CNBD1: variants seen among roughly 807,000 people sequenced by gnomAD.
The protein encoded by CNBD1 is cyclic nucleotide binding domain containing 1.
In CNBD1, 71 loss-of-function variants were observed where a neutral mutation model predicts 54.4. That is an observed-to-expected ratio of 1.30 (90% confidence interval 1.08 to 1.59). CNBD1 has a LOEUF of 1.59. Ranked by LOEUF, CNBD1 falls within the 40% of genes most tolerant of loss-of-function variation. The pLI is 0.00. For synonymous variants in CNBD1, 182 were observed against 170.7 expected (o/e 1.07, Z -0.51); for missense variants, 659 against 518.0 (o/e 1.27, Z -2.64).
rs188666673 is a variant in CNBD1 at position 87,034,866 on chromosome 8, A to G, written c.431+95112A>G. Among the ~76,000 whole-genome samples the G allele has an allele frequency of 2.4e-3, 369 of 152,290 alleles. 2 individuals carry two copies. The highest frequency in any genetic ancestry group is 8.5e-3 in the African/African-American group (353 of 41,564). On this transcript the variant is annotated intron_variant, in intron 4 of 10. Transcript: ENST00000518476. Reference sequence around the variant, plus strand: ...GTTCAAGGATCAACTATATACATATATATAGATTTGGATGCGACCTTGTAA... The same window carrying G: ...GTTCAAGGATCAACTATATACATATGTATAGATTTGGATGCGACCTTGTAA...
intron 10 of CNBD1, among the ~76,000 whole-genome samples, chr8:87,366,834 A>G (rs779304017): frequency 6.6e-6 from 1 of 152,106 alleles, no homozygotes; most frequent in Non-Finnish European, 1.5e-5. Context: ...CAAATAAGAA[A>G]GGAAGTGAAA....
intron 4 of CNBD1, among the ~76,000 whole-genome samples, chr8:87,038,273 G>A (rs1172064155): frequency 1.3e-5 from 2 of 152,108 alleles, no homozygotes; most frequent in Non-Finnish European, 2.9e-5. Flanking sequence ...ACCTCCTGAT[G>A]GCTTCTTCCT....
chr8:87,258,341 A>C (rs2130846291), intron 6 of CNBD1, among the ~76,000 whole-genome samples: 1 of 152,250 alleles, frequency 6.6e-6, no homozygotes, highest in East Asian at 1.9e-4. Context: ...TTAGATTTGC[A>C]AGCAGTCTGT....
chr8:87,347,940 G>A (rs1175279079), intron 8 of CNBD1, among the ~76,000 whole-genome samples: 1 of 152,016 alleles, frequency 6.6e-6, no homozygotes, highest in African/African-American at 2.4e-5. Context: ...TAAGTTCTTT[G>A]GAAGTCTCTG....
chr8:86,942,703 C>T (rs1287263494), intron 4 of CNBD1, among the ~76,000 whole-genome samples: 1 of 152,192 alleles, frequency 6.6e-6, no homozygotes, highest in Non-Finnish European at 1.5e-5. Flanking sequence ...TATATCCCAT[C>T]GGGTTTTGCA....
intron 5 of CNBD1, among the ~76,000 whole-genome samples, chr8:87,209,898 T>TC (rs1172769762): frequency 2.0e-5 from 3 of 152,064 alleles, no homozygotes; most frequent in Admixed American, 1.3e-4. Flanking sequence ...TCTTCCCAAA[T>TC]CCCCACGTGT....
At chr8:87,048,676 C>T (rs1442313985) in intron 4 of CNBD1, among the ~76,000 whole-genome samples, 1 of 152,040 alleles carries the variant, frequency 6.6e-6, no homozygotes, top group Non-Finnish European at 1.5e-5. Flanking sequence ...CATGGAAATG[C>T]CTCCACCCAG....
chr8:87,160,926 GAC>G (rs1201502563), intron 4 of CNBD1, among the ~76,000 whole-genome samples: 1 of 152,044 alleles, frequency 6.6e-6, no homozygotes, highest in Non-Finnish European at 1.5e-5. Context: ...TATTTTCTAT[GAC>G]ACAAACATCT....
At chr8:87,311,081 AAAAC>A (rs1809253821) in intron 8 of CNBD1, among the ~76,000 whole-genome samples, 1 of 152,032 alleles carries the variant, frequency 6.6e-6, no homozygotes, top group South Asian at 2.1e-4. Flanking sequence ...AATTGCAACA[AAAAC>A]AAAAATTGAC....
At chr8:87,427,677 GA>G (rs1808073163) in intron 2 of CNBD1, among the ~76,000 whole-genome samples, 1 of 152,124 alleles carries the variant, frequency 6.6e-6, no homozygotes, top group South Asian at 2.1e-4. Context: ...AGTAAAAAGT[GA>G]AGTAGTTAAA....
chr8:86,905,006 A>G, intron 2 of CNBD1, 75 bp from the exon 3 acceptor site: 5 of 763,060 alleles, frequency 6.6e-6, no homozygotes, highest in South Asian at 4.9e-5. Flanking sequence ...ATACGTATAT[A>G]TTGAGTTAAA....
chr8:87,377,336 T>C (rs1223533458), intron 10 of CNBD1, among the ~76,000 whole-genome samples: 2 of 138,630 alleles, frequency 1.4e-5, no homozygotes, highest in Non-Finnish European at 3.1e-5. Flanking sequence ...CAGAGTGCGA[T>C]ATTCCCCTTC....
chr8:87,360,644 CT>C (rs1344652840), intron 10 of CNBD1, among the ~76,000 whole-genome samples: 1 of 151,848 alleles, frequency 6.6e-6, no homozygotes, highest in Non-Finnish European at 1.5e-5. Context: ...AAGTGTACTA[CT>C]TTTGTAATGA....
chr8:87,416,614 C>T (rs930061520), intron 2 of CNBD1, among the ~76,000 whole-genome samples: 1 of 152,000 alleles, frequency 6.6e-6, no homozygotes, highest in Non-Finnish European at 1.5e-5. Context: ...TGGTCATTCT[C>T]TGGAAGATTC....
At chr8:87,206,538 T>C (rs1813980111) in intron 5 of CNBD1, among the ~76,000 whole-genome samples, 1 of 152,100 alleles carries the variant, frequency 6.6e-6, no homozygotes, top group African/African-American at 2.4e-5. Flanking sequence ...GATACACATT[T>C]AGTAACAATA....
At chr8:87,323,761 G>C (rs1809596856) in intron 8 of CNBD1, among the ~76,000 whole-genome samples, 1 of 124,172 alleles carries the variant, frequency 8.1e-6, no homozygotes, top group East Asian at 2.1e-4. Flanking sequence ...GGGACAATTT[G>C]ACTTCCTCTT....
In CNBD1 at chr8:87,237,015, A is replaced by C; in HGVS notation, c.674A>C (p.Asp225Ala). The change falls in exon 6 of 11, where the codon GAC becomes GCC. Residue 225 changes from aspartate (D) to alanine (A), a missense_variant. Physicochemically the swap from Asp to Ala is moderately radical, Grantham distance 126. Coordinates refer to ENST00000518476, the MANE Select transcript of CNBD1 (RefSeq NM_173538.3). ...CTGATTGAAGGAAGTGATTCACCAGACTCGTTCATATCTCAGAGTTTCCAC... is the reference window on the plus strand; with the variant it reads ...CTGATTGAAGGAAGTGATTCACCAGCCTCGTTCATATCTCAGAGTTTCCAC... ...KNLIEGSDSP[D>A]SFISQSFHSF... is the part of the protein sequence containing the mutation. 2 of 1,612,188 alleles carry C rather than the reference A, an allele frequency of 1.2e-6. No individual in the cohort carries two copies. The highest frequency in any genetic ancestry group is 1.7e-6 in the Non-Finnish European group (2 of 1,178,562).
At chr8:87,078,948 C>T (rs1424985811) in intron 4 of CNBD1, among the ~76,000 whole-genome samples, 1 of 152,068 alleles carries the variant, frequency 6.6e-6, no homozygotes, top group African/African-American at 2.4e-5. Context: ...TAAATTGATA[C>T]ACCACCAATA....
rs562839874 is a variant in CNBD1, at chr8:86,883,392, G to T, written c.89-4150G>T. Among the ~76,000 whole-genome samples, 82 of 152,266 alleles carry T rather than the reference G, an allele frequency of 5.4e-4. 1 individual carries two copies. Among genetic ancestry groups the T allele is most frequent in the African/African-American group, 1.9e-3 (81 of 41,550 alleles). On this transcript the variant is annotated intron_variant, in intron 1 of 10. Coordinates refer to ENST00000518476, the MANE Select transcript of CNBD1 (RefSeq NM_173538.3). Reference sequence around the variant, plus strand: ...ACTGGTTAGAGATCTGGGCTGGAGAGTTTGATTTGAGAATCTTAAGATCAA... The same window carrying T: ...ACTGGTTAGAGATCTGGGCTGGAGATTTTGATTTGAGAATCTTAAGATCAA...
Sources: gnomAD v4.1 joint callset for allele counts (sites outside exome capture counted in the v4.1 genomes callset) on GRCh38, gnomAD v4.1.1 for gene constraint, MANE v1.5 for transcripts, NCBI Gene and HGNC (gene_info 2026-07-23, HGNC 2026-07-21) for gene names.